The following GLCE variants were observed in gnomAD, a reference collection of about 807,000 sequenced individuals.
The protein encoded by GLCE is D-glucuronyl C5-epimerase.
Under a neutral mutation model 47.9 loss-of-function variants are expected in GLCE, and 19 were observed. That is an observed-to-expected ratio of 0.40 (90% CI 0.28 to 0.58). The LOEUF is 0.58. Among genes scored for constraint, GLCE ranks in the 20% least tolerant of loss-of-function variants. The pLI, the probability that GLCE is intolerant of heterozygous loss-of-function variation, is 0.48. For missense variants in GLCE, 556 were observed against 743.3 expected (o/e 0.75, Z 2.93); for synonymous variants, 245 against 263.4 (o/e 0.93, Z 0.68).
In GLCE at chr15:69,205,245, G is replaced by A. The variant is rs151012480; in HGVS notation, c.-104-5071G>A. ...GTCATGAAGTGGAATAATAGAGCAT[G>A]AAGCCATTTAAGACTGTTACATATC... On this transcript the variant is annotated intron_variant, in intron 1 of 4. Coordinates refer to ENST00000261858, the MANE Select transcript of GLCE (RefSeq NM_015554.3). Among the ~76,000 whole-genome samples the A allele has an allele frequency of 5.8e-4, 88 of 151,988 alleles. 1 individual carries two copies. The highest frequency in any genetic ancestry group is 3.7e-3 in the Admixed American group (56 of 15,252).
rs749002056 is a variant in GLCE at position 69,268,601 on chromosome 15, C to T, written c.1211C>T (p.Ala404Val). The change falls in exon 5 of 5, where the codon GCA becomes GTA. Residue 404 changes from alanine to valine, a missense_variant. Physicochemically the swap from Ala to Val is moderately conservative, Grantham distance 64 (BLOSUM62 0). Coordinates refer to ENST00000261858, the MANE Select transcript of GLCE (RefSeq NM_015554.3). Reference protein sequence around the residue: ...ITISTTAHMAAFFAASDWLVR... With the variant: ...ITISTTAHMAVFFAASDWLVR... Reference sequence around the variant, plus strand: ...ATCTCTACCACAGCCCACATGGCTGCATTTTTTGCTGCTAGTGATTGGCTA... The same window carrying T: ...ATCTCTACCACAGCCCACATGGCTGTATTTTTTGCTGCTAGTGATTGGCTA... The T allele has an allele frequency of 1.9e-5, 31 of 1,614,072 alleles. No homozygotes were observed. The South Asian group carries it at 3.4e-4, about 18-fold the overall frequency.
intron 2 of GLCE, among the ~76,000 whole-genome samples, chr15:69,230,470 A>G (rs1275130740): frequency 6.6e-6 from 1 of 152,202 alleles, no homozygotes; most frequent in African/African-American, 2.4e-5. Flanking sequence ...ATAGACAAAT[A>G]TACAATTATA....
chr15:69,193,617 T>TA (rs1332149492), intron 1 of GLCE, among the ~76,000 whole-genome samples: 3 of 152,078 alleles, frequency 2.0e-5, no homozygotes, highest in African/African-American at 7.2e-5. Context: ...GATGAACATC[T>TA]AGGTATCACT....
intron 2 of GLCE, among the ~76,000 whole-genome samples, chr15:69,233,707 A>AG (rs1394127534): frequency 6.6e-6 from 1 of 152,214 alleles, no homozygotes; most frequent in East Asian, 1.9e-4. Context: ...TAGACTGTTT[A>AG]GGGACCATAG....
rs2053134966 is a variant in GLCE, at chr15:69,269,451, CA to C, written c.*209del. 2 of 575,182 alleles carry C rather than the reference CA, an allele frequency of 3.5e-6. No individual in the cohort carries two copies. Among genetic ancestry groups the C allele is most frequent in the Non-Finnish European group, 6.2e-6 (2 of 324,476 alleles). The allele number at this position is 575,182 out of a possible 1,614,324, so 35.6% of individuals were successfully genotyped here. A position where few individuals can be genotyped will look rare whatever the true frequency, so the allele number is the denominator to read the frequency against. On this transcript the variant is annotated 3_prime_UTR_variant, in exon 5 of 5. Coordinates refer to ENST00000261858, the MANE Select transcript of GLCE (RefSeq NM_015554.3). The stretch of plus-strand genomic sequence containing the variant: ...AGAAATGTAGGTGGCATTTAGAACA[CA>C]ATGTTTAATCAATGGGCTGAACAAA...
chr15:69,207,412 C>T (rs748173705), intron 1 of GLCE, among the ~76,000 whole-genome samples: 12 of 152,074 alleles, frequency 7.9e-5, no homozygotes, highest in Non-Finnish European at 1.5e-4. Flanking sequence ...TGTAGTCAGC[C>T]ACTACTCCAT....
chr15:69,245,930 C>T lies in GLCE; in HGVS notation c.-13-9864C>T, dbSNP rs369686897. Among the ~76,000 whole-genome samples, 31 of 152,134 alleles carry T rather than the reference C, an allele frequency of 2.0e-4. No homozygotes were observed. In the East Asian group the frequency reaches 5.0e-3, roughly 25 times the overall value. ...TTTTAGTAGAGACAGGGTTTCACCACGTTGGCCAGGCTGCTCTCGAACTCC... is the reference window on the plus strand; with the variant it reads ...TTTTAGTAGAGACAGGGTTTCACCATGTTGGCCAGGCTGCTCTCGAACTCC... On this transcript the variant is annotated intron_variant, in intron 2 of 4. Transcript: ENST00000261858.
At chr15:69,240,676 A>G (rs7163312) in intron 2 of GLCE, among the ~76,000 whole-genome samples, 2 of 152,082 alleles carry the variant, frequency 1.3e-5, no homozygotes, top group East Asian at 3.9e-4. Flanking sequence ...GGCAGTATAT[A>G]GATTAAACTG....
chr15:69,215,195 C>T lies in GLCE; in HGVS notation c.-14+4789C>T, dbSNP rs141483627. Among the ~76,000 whole-genome samples the T allele has an allele frequency of 5.3e-3, 811 of 152,242 alleles. 10 individuals carry two copies. The highest frequency in any genetic ancestry group is 0.019 in the African/African-American group (779 of 41,538). ...CAGTTCTGTGACCACCCCCGCACCC[C>T]CAATTTTTTTGTGCTGCCACTTTGT... On this transcript the variant is annotated intron_variant, in intron 2 of 4. Coordinates refer to ENST00000261858, the MANE Select transcript of GLCE (RefSeq NM_015554.3).
At chr15:69,233,674 A>G (rs2052555295) in intron 2 of GLCE, among the ~76,000 whole-genome samples, 1 of 149,584 alleles carries the variant, frequency 6.7e-6, no homozygotes, top group African/African-American at 2.5e-5. Flanking sequence ...TAAGAAGCTC[A>G]GTTTATAACC....
In GLCE at chr15:69,269,192, T is replaced by C; in HGVS notation, c.1802T>C (p.Phe601Ser). The change falls in exon 5 of 5, where the codon TTT (phenylalanine) becomes TCT (serine). Residue 601 changes from phenylalanine to serine, a missense_variant. By Grantham distance (155) the Phe-to-Ser change is radical (BLOSUM62 -2). Transcript: ENST00000261858. ...TIDESPVFKE[F>S]VKRWKSYLKG... ...GATGAGTCCCCAGTCTTCAAAGAATTTGTCAAGAGGTGGAAAAGCTACCTT... is the reference window on the plus strand; with the variant it reads ...GATGAGTCCCCAGTCTTCAAAGAATCTGTCAAGAGGTGGAAAAGCTACCTT... 1 of 1,614,020 alleles carries C rather than the reference T, an allele frequency of 6.2e-7. No individual in the cohort carries two copies. The highest frequency in any genetic ancestry group is 8.5e-7 in the Non-Finnish European group (1 of 1,179,976).
intron 2 of GLCE, among the ~76,000 whole-genome samples, chr15:69,229,699 C>G (rs1312717602): frequency 6.7e-6 from 1 of 148,812 alleles, no homozygotes; most frequent in Non-Finnish European, 1.5e-5. Context: ...AATTACTTAC[C>G]CAACAATGAC....
At chr15:69,231,524 C>T (rs573257192) in intron 2 of GLCE, among the ~76,000 whole-genome samples, 12 of 152,048 alleles carry the variant, frequency 7.9e-5, no homozygotes, top group African/African-American at 2.9e-4. Flanking sequence ...ATCTCGTGAT[C>T]CGCCTGCCTC....
rs981968740 is a variant in GLCE, at chr15:69,231,199, C to T, written c.-14+20793C>T. On this transcript the variant is annotated intron_variant, in intron 2 of 4. Transcript: ENST00000261858. ...GAGACAGATTTTATTATACTTTAGACTTTTGAAGACAAAATATCTAATTTT... is the reference window on the plus strand; with the variant it reads ...GAGACAGATTTTATTATACTTTAGATTTTTGAAGACAAAATATCTAATTTT... Among the ~76,000 whole-genome samples, 8 of 152,104 alleles carry T rather than the reference C, an allele frequency of 5.3e-5. No homozygotes were observed. The South Asian group carries it at 1.7e-3, about 32-fold the overall frequency.
rs1312150705 is a variant in GLCE, at chr15:69,255,406, G to A, written c.-13-388G>A. Among the ~76,000 whole-genome samples, 12 of 152,144 alleles carry A rather than the reference G, an allele frequency of 7.9e-5. 1 individual carries two copies. The highest frequency in any genetic ancestry group is 7.2e-4 in the Admixed American group (11 of 15,262). Reference sequence around the variant, plus strand: ...GTGCTGAACTGTTAAGTGTAATGCAGATATTCCCAAATCTGAGAAAAATCC... The same window carrying A: ...GTGCTGAACTGTTAAGTGTAATGCAAATATTCCCAAATCTGAGAAAAATCC... On this transcript the variant is annotated intron_variant, in intron 2 of 4. Transcript: ENST00000261858.
At chr15:69,186,372 A>G (rs1419379501) in intron 1 of GLCE, among the ~76,000 whole-genome samples, 1 of 152,214 alleles carries the variant, frequency 6.6e-6, no homozygotes, top group East Asian at 1.9e-4. Flanking sequence ...AACAAGGGCT[A>G]TAGGGGTTAG....
intron 1 of GLCE, among the ~76,000 whole-genome samples, chr15:69,182,808 G>A (rs532207283): frequency 2.1e-4 from 32 of 152,236 alleles, no homozygotes; most frequent in African/African-American, 7.7e-4. Context: ...GAGGTCAGGA[G>A]ATTGAGACCA....
rs974291359 is a variant in GLCE at position 69,268,503 on chromosome 15, G to A, written c.1113G>A (p.Lys371=). 6.2e-7 allele frequency: 1 copy of A among 1,614,192 alleles called. No individual in the cohort carries two copies. Among genetic ancestry groups the A allele is most frequent in the South Asian group, 1.1e-5 (1 of 91,088 alleles). ...GTCTTTCAAACACAAAAGCTGTCAA[G>A]CCAACCAAAATAATGCCCAAGAAGG... is the stretch of plus-strand genomic sequence containing the variant. ...GVGLSNTKAV[K]PTKIMPKKVV... Residue 371 remains lysine (K), a synonymous_variant, in exon 5 of 5, where the codon AAG becomes AAA. Coordinates refer to ENST00000261858, the MANE Select transcript of GLCE (RefSeq NM_015554.3).
intron 2 of GLCE, among the ~76,000 whole-genome samples, chr15:69,251,365 TGTCAA>T (rs1207232657): frequency 6.6e-6 from 1 of 152,224 alleles, no homozygotes; most frequent in Non-Finnish European, 1.5e-5. Context: ...ATCTTTTCAC[TGTCAA>T]GTTTAATCTT....
Sources: gnomAD v4.1 joint callset for allele counts (sites outside exome capture counted in the v4.1 genomes callset) on GRCh38, gnomAD v4.1.1 for gene constraint, MANE v1.5 for transcripts, NCBI Gene and HGNC (gene_info 2026-07-23, HGNC 2026-07-21) for gene names.